Variants in LIMS2 observed in about 807,000 individuals in gnomAD.
The protein encoded by LIMS2 is LIM and senescent cell antigen-like-containing domain protein 2.
Under a neutral mutation model 45.3 loss-of-function variants are expected in LIMS2, and 30 were observed. The ratio of observed to expected loss-of-function variants is 0.66; its 90% CI spans 0.50 to 0.90. LIMS2 has a LOEUF of 0.90. LIMS2 is among the 40% of genes least tolerant of loss of function. LIMS2 has a pLI of 0.00. For missense variants in LIMS2, 485 were observed against 468.7 expected, an observed-to-expected ratio of 1.03 and a Z score of -0.32; for synonymous variants, 173 against 188.0, an observed-to-expected ratio of 0.92 and a Z score of 0.65.
Position 127,664,190 on chromosome 2 carries a change from G to GT in LIMS2, c.12-6629_12-6628insA, listed in dbSNP as rs1684858705. 2.4e-6 allele frequency: 2 copies of GT among 844,200 alleles called. No homozygotes were observed. Among genetic ancestry groups the GT allele is most frequent in the East Asian group, 4.2e-5 (1 of 23,546 alleles). 52.3% of individuals were successfully genotyped at this position (844,200 alleles called of 1,614,324 possible). On this transcript the variant is annotated intron_variant, in intron 1 of 9. Coordinates refer to ENST00000355119, the MANE Select transcript of LIMS2 (RefSeq NM_001161403.3). The surrounding 1 kb of genome is among the most constrained non-coding windows in gnomAD (Gnocchi z 5.5). ...GCCAACCCAGGGCCCATCCGACGCC[G>GT]GGGCAGAGCCCACGGCGTCGGAGGG...
At chr2:127,657,852 T>C (rs759864096) in intron 1 of LIMS2, among the ~76,000 whole-genome samples, 26 of 152,190 alleles carry the variant, frequency 1.7e-4, no homozygotes, top group South Asian at 1.2e-3. Flanking sequence ...CGGCTCTGTA[T>C]TCACACTCTC....
intron 4 of LIMS2, chr2:127,651,851 C>A: frequency 8.5e-7 from 1 of 1,173,330 alleles, no homozygotes; most frequent in Non-Finnish European, 1.2e-6. Context: ...CCCCAGCAAG[C>A]AACCTGAAAT....
chr2:127,675,669 C>G (rs377120554), upstream of LIMS2, among the ~76,000 whole-genome samples: 1 of 152,166 alleles, frequency 6.6e-6, no homozygotes, highest in East Asian at 1.9e-4. Flanking sequence ...CAACCGCAAA[C>G]GCGTGCAGGA....
At chr2:127,643,880 CA>C (rs2105214350) in intron 4 of LIMS2, among the ~76,000 whole-genome samples, 1 of 152,310 alleles carries the variant, frequency 6.6e-6, no homozygotes, top group East Asian at 1.9e-4. Flanking sequence ...CCCCCAGCCC[CA>C]GGGGCCCTCT....
chr2:127,660,480 G>A lies in LIMS2; in HGVS notation c.12-2918C>T, dbSNP rs570551827. ...GCCAGCGAGACCATGAACCGACGGG[G>A]AGGAATCGTTTCGAGGAACAGATAA... On this transcript the variant is annotated intron_variant, in intron 1 of 9. Transcript: ENST00000355119. Among the ~76,000 whole-genome samples the A allele has an allele frequency of 4.7e-4, 72 of 152,288 alleles. 1 individual carries two copies. Among genetic ancestry groups the A allele is most frequent in the African/African-American group, 1.7e-3 (70 of 41,566 alleles).
In LIMS2 at chr2:127,657,577, C is replaced by A; in HGVS notation, c.12-15G>T. On this transcript the variant is annotated splice_polypyrimidine_tract_variant and intron_variant, in intron 1 of 9. Coordinates refer to ENST00000355119, the MANE Select transcript of LIMS2 (RefSeq NM_001161403.3). Reference sequence around the variant, plus strand: ...CCGACATATTGCTGGGGGCAGGAGACAGGAGGAGTGAGTCAGAGCTGGTCA... The same window carrying A: ...CCGACATATTGCTGGGGGCAGGAGAAAGGAGGAGTGAGTCAGAGCTGGTCA... The A allele has an allele frequency of 6.3e-7, 1 of 1,584,976 alleles. No individual in the cohort carries two copies. Among genetic ancestry groups the A allele is most frequent in the Non-Finnish European group, 8.6e-7 (1 of 1,164,798 alleles).
In LIMS2 at chr2:127,665,163, A is replaced by G. The variant is rs112415299; in HGVS notation, c.12-7601T>C. On this transcript the variant is annotated intron_variant, in intron 1 of 9. Coordinates refer to ENST00000355119, the MANE Select transcript of LIMS2 (RefSeq NM_001161403.3). ...ACCCGCGGTAGGCATCCAAACTGTG[A>G]CCAAGGTAAGCCTGGTCAGCAGTAC... 1.8e-3 allele frequency among the ~76,000 whole-genome samples: 276 copies of G among 152,306 alleles called. 2 individuals carry two copies. The highest frequency in any genetic ancestry group is 6.8e-3 in the Middle Eastern group (2 of 294).
Position 127,643,347 on chromosome 2 carries a change from G to A in LIMS2, c.360-275C>T, listed in dbSNP as rs534365456. Reference sequence around the variant, plus strand: ...ATTTTCCTCTTTCTACTTTCTCTAAGCCTGGGGCATGCTGCAGAATACAGT... The same window carrying A: ...ATTTTCCTCTTTCTACTTTCTCTAAACCTGGGGCATGCTGCAGAATACAGT... On this transcript the variant is annotated intron_variant, in intron 4 of 9. Coordinates refer to ENST00000355119, the MANE Select transcript of LIMS2 (RefSeq NM_001161403.3). 4 of 532,762 alleles carry A rather than the reference G, an allele frequency of 7.5e-6. No individual in the cohort carries two copies. In the African/African-American group the frequency reaches 7.5e-5, roughly 10 times the overall value. 33.0% of individuals were successfully genotyped at this position (532,762 alleles called of 1,614,324 possible). A position where few individuals can be genotyped will look rare whatever the true frequency, so the allele number is the denominator to read the frequency against.
chr2:127,659,032 G>A (rs190531955), intron 1 of LIMS2, among the ~76,000 whole-genome samples: 5 of 152,310 alleles, frequency 3.3e-5, no homozygotes, highest in African/African-American at 9.6e-5. Context: ...AGAGAAGAGG[G>A]GCCTTAGGAT....
intron 2 of LIMS2, among the ~76,000 whole-genome samples, chr2:127,657,065 C>T (rs72843387): frequency 0.015 from 2,301 of 152,344 alleles, 26 homozygotes; most frequent in Middle Eastern, 0.085. Context: ...AGGGCATCAG[C>T]ACCAGCTGGT....
intron 1 of LIMS2, among the ~76,000 whole-genome samples, chr2:127,668,705 A>C (rs1466729779): frequency 7.5e-6 from 1 of 133,504 alleles, no homozygotes; most frequent in Non-Finnish European, 1.6e-5. Context: ...AAAAAAAAAA[A>C]AAAAAACACC....
At chr2:127,656,166 A>G (rs1451214114) in intron 2 of LIMS2, 1 of 152,234 alleles carries the variant, frequency 6.6e-6, no homozygotes, top group South Asian at 2.1e-4. Context: ...TTTTAATAAA[A>G]TTGTATCCCA....
At chr2:127,665,983 G>A (rs1452683684) in intron 1 of LIMS2, among the ~76,000 whole-genome samples, 2 of 152,088 alleles carry the variant, frequency 1.3e-5, no homozygotes, top group Admixed American at 6.5e-5. Context: ...AGCGGACATC[G>A]AAGGCTAGAA....
intron 1 of LIMS2, among the ~76,000 whole-genome samples, chr2:127,659,288 C>G (rs1291834892): frequency 1.3e-5 from 2 of 152,172 alleles, no homozygotes; most frequent in East Asian, 3.9e-4. Context: ...CTTAGGAGAC[C>G]AAAGCCACCA....
intron 4 of LIMS2, chr2:127,651,471 G>A (rs1324380124): frequency 1.9e-6 from 3 of 1,612,710 alleles, no homozygotes; most frequent in Non-Finnish European, 2.5e-6. Flanking sequence ...CATCTTCCTG[G>A]TCTGCTTCGT....
chr2:127,648,493 C>T (rs1683240541), intron 4 of LIMS2, among the ~76,000 whole-genome samples: 1 of 152,178 alleles, frequency 6.6e-6, no homozygotes, highest in African/African-American at 2.4e-5. Context: ...CCTGCTTCTC[C>T]TCCATATGAG....
chr2:127,663,033 AAC>A (rs1489453268), intron 1 of LIMS2, among the ~76,000 whole-genome samples: 1 of 152,232 alleles, frequency 6.6e-6, no homozygotes, highest in Non-Finnish European at 1.5e-5. Context: ...TTCAAAGAAA[AAC>A]AGTGTGAATA....
At position 127,643,146 on chromosome 2, in the gene LIMS2, C is replaced by T. The variant is rs1682609339; in HGVS notation, c.360-74G>A. 3 of 1,472,834 alleles carry T rather than the reference C, an allele frequency of 2.0e-6. No individual in the cohort carries two copies. The Middle Eastern group carries it at 7.1e-4, about 350-fold the overall frequency. The allele number at this position is 1,472,834 out of a possible 1,614,324, so 91.2% of individuals were successfully genotyped here. ...CTGGCCACCTCCAGGAGAAGAGAGG[C>T]CAGACCCCTGCAACTTCACTGAGCA... On this transcript the variant is annotated intron_variant, in intron 4 of 9. Transcript: ENST00000355119.
chr2:127,639,354 T>C lies in LIMS2; in HGVS notation c.953A>G (p.Lys318Arg), dbSNP rs371069731. ...CYEKFPLELK[K>R]RLKKLSELTS... ...CAGCTCCGACAGCTTCTTCAGCCGC[T>C]TCTTCAGCTCCAGCGGGAACTTCTC... Residue 318 changes from lysine (K) to arginine (R), a missense_variant, in exon 10 of 10, where the codon AAG (lysine) becomes AGG (arginine). By Grantham distance (26) the Lys-to-Arg change is conservative (BLOSUM62 2). Transcript: ENST00000355119. 2 of 1,614,002 alleles carry C rather than the reference T, an allele frequency of 1.2e-6. No homozygotes were observed. The highest frequency in any genetic ancestry group is 1.3e-5 in the African/African-American group (1 of 75,014).
Sources: allele counts gnomAD v4.1 joint callset (sites outside exome capture counted in the v4.1 genomes callset), GRCh38; gene constraint gnomAD v4.1.1; non-coding constraint Gnocchi (gnomAD v3.1); transcripts MANE v1.5; gene names NCBI Gene and HGNC (gene_info 2026-07-23, HGNC 2026-07-21).